RNF145: variants seen among roughly 807,000 people sequenced by gnomAD.
RNF145 encodes ring finger protein 145.
RNF145 carries 12 observed loss-of-function variants against 57.3 expected under a neutral mutation model. The observed-to-expected ratio is 0.21, with a 90% confidence interval of 0.13 to 0.34. The LOEUF is 0.34. Ranked by LOEUF, RNF145 falls within the 10% of genes least tolerant of loss-of-function variation. The pLI is 1.00. For synonymous variants in RNF145, 262 were observed against 288.3 expected (o/e 0.91, Z 0.92); for missense variants, 429 against 799.0 (o/e 0.54, Z 5.58).
intron 3 of RNF145, among the ~76,000 whole-genome samples, chr5:159,192,370 A>T (rs1257676275): frequency 1.3e-5 from 2 of 152,182 alleles, no homozygotes; most frequent in Non-Finnish European, 2.9e-5. Flanking sequence ...ATGCAAATGG[A>T]AATGGAAAAA....
At chr5:159,160,749 T>A (rs757823405) in intron 10 of RNF145, among the ~76,000 whole-genome samples, 14 of 152,368 alleles carry the variant, frequency 9.2e-5, no homozygotes, top group Middle Eastern at 3.4e-3. Context: ...TTTACATCAG[T>A]TTGGTAGCCT....
At chr5:159,182,891 T>C (rs943463005) in intron 3 of RNF145, among the ~76,000 whole-genome samples, 3 of 152,142 alleles carry the variant, frequency 2.0e-5, no homozygotes, top group African/African-American at 7.2e-5. Context: ...AATGCTTTAT[T>C]CATTGTATTT....
At chr5:159,202,951 A>AT (rs996270483) in intron 2 of RNF145, among the ~76,000 whole-genome samples, 10 of 150,996 alleles carry the variant, frequency 6.6e-5, no homozygotes, top group African/African-American at 1.5e-4. Flanking sequence ...TTCCAGGAGG[A>AT]TTTTTTTTAT....
chr5:159,177,424 C>A (rs1784753203), intron 4 of RNF145, among the ~76,000 whole-genome samples: 1 of 152,006 alleles, frequency 6.6e-6, no homozygotes, highest in Admixed American at 6.6e-5. Context: ...GGGGATTACG[C>A]ATGATCATTA....
intron 2 of RNF145, among the ~76,000 whole-genome samples, chr5:159,196,949 T>C (rs942560526): frequency 6.6e-6 from 1 of 152,238 alleles, no homozygotes; most frequent in Non-Finnish European, 1.5e-5. Flanking sequence ...AGATCAAACA[T>C]ATTCATTTCA....
intron 3 of RNF145, among the ~76,000 whole-genome samples, chr5:159,182,719 C>A (rs113205400): frequency 6.6e-6 from 1 of 152,000 alleles, no homozygotes; most frequent in African/African-American, 2.4e-5. Flanking sequence ...ATAACCAGAG[C>A]CTTTACACAC....
chr5:159,208,163 T>C, intron 1 of RNF145: 1 of 1,400,080 alleles, frequency 7.1e-7, no homozygotes, highest in Non-Finnish European at 9.3e-7. Flanking sequence ...GCGTTTGAAC[T>C]ACAGTAACCC....
At chr5:159,182,771 TA>T (rs1784933994) in intron 3 of RNF145, among the ~76,000 whole-genome samples, 1 of 152,162 alleles carries the variant, frequency 6.6e-6, no homozygotes, top group Non-Finnish European at 1.5e-5. Flanking sequence ...GAATTTAGTT[TA>T]TTATCAGTAA....
intron 3 of RNF145, among the ~76,000 whole-genome samples, chr5:159,184,042 A>C (rs1784982315): frequency 6.6e-6 from 1 of 152,212 alleles, no homozygotes; most frequent in South Asian, 2.1e-4. Context: ...CCCCAAGGAG[A>C]AAGCCACAAA....
At chr5:159,174,632 T>C (rs909152294) in intron 5 of RNF145, among the ~76,000 whole-genome samples, 1 of 152,170 alleles carries the variant, frequency 6.6e-6, no homozygotes, top group African/African-American at 2.4e-5. Context: ...GAGTACTTAA[T>C]CACTGGAAAA....
intron 3 of RNF145, among the ~76,000 whole-genome samples, chr5:159,189,332 G>A (rs368300793): frequency 8.5e-5 from 13 of 152,070 alleles, no homozygotes; most frequent in East Asian, 3.8e-4. Context: ...ATTTACACAC[G>A]GTCAATGAAC....
chr5:159,170,532 T>G (rs1271037738), intron 6 of RNF145, among the ~76,000 whole-genome samples: 1 of 152,206 alleles, frequency 6.6e-6, no homozygotes. Context: ...TTATATGTAT[T>G]TTATAAATAC....
chr5:159,209,682 G>T, upstream of RNF145: 1 of 946,692 alleles, frequency 1.1e-6, no homozygotes. Context: ...CGCCTCCGGT[G>T]CGTGGGCGGG....
At chr5:159,171,576 T>C (rs146029780) in intron 6 of RNF145, among the ~76,000 whole-genome samples, 43 of 152,288 alleles carry the variant, frequency 2.8e-4, no homozygotes, top group African/African-American at 1.0e-3. Flanking sequence ...AAGTTTTTCT[T>C]TGCTCTCTCT....
At chr5:159,204,618 A>G (rs1434968259) in intron 1 of RNF145, among the ~76,000 whole-genome samples, 14 of 152,096 alleles carry the variant, frequency 9.2e-5, no homozygotes, top group Non-Finnish European at 4.4e-5. Flanking sequence ...AGCCTAGCCA[A>G]TATGGTGAAA....
intron 1 of RNF145, among the ~76,000 whole-genome samples, chr5:159,204,043 ATATT>A (rs1287177388): frequency 6.6e-6 from 1 of 152,236 alleles, no homozygotes; most frequent in Admixed American, 6.5e-5. Flanking sequence ...TGAATTTTGA[ATATT>A]TACTCTATGA....
chr5:159,162,425 CT>C lies in RNF145; in HGVS notation c.1269+506del, dbSNP rs201178143. On this transcript the variant is annotated intron_variant, in intron 9 of 10. Coordinates refer to ENST00000424310, the MANE Select transcript of RNF145 (RefSeq NM_001199383.2). ...CATCAATAGGTTTATGTAATATTTT[CT>C]TTTTTTTTTTTTTTTTTTTGAGACG... 8.9e-3 allele frequency among the ~76,000 whole-genome samples: 1,192 copies of C among 134,490 alleles called. 8 individuals are homozygous for C. Among genetic ancestry groups the C allele is most frequent in the African/African-American group, 0.031 (1,093 of 35,394 alleles). 88.2% of individuals were successfully genotyped at this position (134,490 alleles called of 152,430 possible).
intron 2 of RNF145, among the ~76,000 whole-genome samples, chr5:159,200,680 A>C (rs903573751): frequency 1.3e-5 from 2 of 152,226 alleles, no homozygotes; most frequent in Non-Finnish European, 2.9e-5. Context: ...AAAAAATCAT[A>C]AGCAAAATCA....
At chr5:159,183,932 G>A (rs144349719) in intron 3 of RNF145, among the ~76,000 whole-genome samples, 59 of 152,292 alleles carry the variant, frequency 3.9e-4, no homozygotes, top group Admixed American at 1.8e-3. Flanking sequence ...CATTATGAAT[G>A]TACTATATGC....
Sources: gnomAD v4.1 joint callset for allele counts (sites outside exome capture counted in the v4.1 genomes callset) on GRCh38, gnomAD v4.1.1 for gene constraint, MANE v1.5 for transcripts, NCBI Gene and HGNC (gene_info 2026-07-23, HGNC 2026-07-21) for gene names.